The following STARD13 variants were observed in gnomAD, a reference collection of about 807,000 sequenced individuals.
STARD13 encodes the protein StAR related lipid transfer domain containing 13.
A neutral mutation model predicts 106.4 loss-of-function variants in STARD13; 62 were observed. That is an observed-to-expected ratio of 0.58 (90% CI 0.48 to 0.72). The LOEUF (loss-of-function observed/expected upper bound fraction) is 0.72, where lower values mean the gene tolerates loss of function less well. STARD13 is among the 30% of genes least tolerant of loss of function. The pLI, the probability that STARD13 is intolerant of heterozygous loss-of-function variation, is 0.00. For missense variants in STARD13, 1,387 were observed against 1,424.0 expected, an observed-to-expected ratio of 0.97 and a Z score of 0.42; for synonymous variants, 565 against 553.0, an observed-to-expected ratio of 1.02 and a Z score of -0.31.
the STARD13 span, among the ~76,000 whole-genome samples, chr13:33,369,405 A>G: frequency 6.6e-6 from 1 of 152,194 alleles, no homozygotes; most frequent in Non-Finnish European, 1.5e-5. Context: ...TTGAAAAATC[A>G]CCATCTTTAT....
At chr13:33,398,078 G>T in the STARD13 span, among the ~76,000 whole-genome samples, 1 of 152,182 alleles carries the variant, frequency 6.6e-6, no homozygotes, top group African/African-American at 2.4e-5. Context: ...GGTCAACTGG[G>T]CAATAAATGA....
chr13:33,277,925 T>C (rs1891537285), intron 1 of STARD13: 1 of 152,208 alleles, frequency 6.6e-6, no homozygotes, highest in African/African-American at 2.4e-5. Flanking sequence ...ACTTTTAAAG[T>C]ATTTGTGGCT....
At chr13:33,297,730 A>G (rs1892552194) in intron 1 of STARD13, among the ~76,000 whole-genome samples, 1 of 152,188 alleles carries the variant, frequency 6.6e-6, no homozygotes, top group African/African-American at 2.4e-5. Flanking sequence ...AAAATATTCT[A>G]TTGTATGACT....
the STARD13 span, among the ~76,000 whole-genome samples, chr13:33,399,748 A>C: frequency 4.0e-5 from 6 of 151,326 alleles, no homozygotes; most frequent in African/African-American, 1.5e-4. Context: ...GTTTTTACAA[A>C]TCAAGCATCA....
the STARD13 span, among the ~76,000 whole-genome samples, chr13:33,425,668 T>C: frequency 3.4e-3 from 519 of 152,322 alleles, 8 homozygotes; most frequent in African/African-American, 0.012. Flanking sequence ...AGTTATTATC[T>C]GAGCTTCTCT....
chr13:33,647,600 C>T, the STARD13 span, among the ~76,000 whole-genome samples: 1 of 152,186 alleles, frequency 6.6e-6, no homozygotes, highest in African/African-American at 2.4e-5. Context: ...CAATGACAGT[C>T]CCATTAGTTG....
At chr13:33,535,480 TTAAAGA>T in the STARD13 span, among the ~76,000 whole-genome samples, 1 of 152,124 alleles carries the variant, frequency 6.6e-6, no homozygotes, top group Non-Finnish European at 1.5e-5. Flanking sequence ...AGGCAATCAA[TTAAAGA>T]TAAAATTGTA....
At chr13:33,381,364 A>T in the STARD13 span, among the ~76,000 whole-genome samples, 7 of 152,328 alleles carry the variant, frequency 4.6e-5, no homozygotes, top group South Asian at 1.5e-3. Flanking sequence ...GGTGTGACCC[A>T]GGAGAGGCTA....
At chr13:33,217,248 C>T (rs1370311703) in intron 1 of STARD13, among the ~76,000 whole-genome samples, 2 of 152,192 alleles carry the variant, frequency 1.3e-5, no homozygotes, top group Non-Finnish European at 2.9e-5. Flanking sequence ...CATTTCTACT[C>T]TTGCAGCTCA....
chr13:33,495,576 C>T, the STARD13 span, among the ~76,000 whole-genome samples: 2 of 151,900 alleles, frequency 1.3e-5, no homozygotes, highest in African/African-American at 4.8e-5. Context: ...GATTTCCAAT[C>T]TTCTAAACAG....
At chr13:33,546,653 T>A in the STARD13 span, among the ~76,000 whole-genome samples, 9 of 151,890 alleles carry the variant, frequency 5.9e-5, no homozygotes, top group African/African-American at 7.3e-5. Context: ...CGTATTAATT[T>A]TTTTTTTTTT....
intron 4 of STARD13, among the ~76,000 whole-genome samples, chr13:33,140,510 AAT>A (rs371863151): frequency 3.3e-5 from 5 of 152,330 alleles, no homozygotes; most frequent in African/African-American, 1.2e-4. Flanking sequence ...CTCATGTTTT[AAT>A]ATTTCTCTGG....
At chr13:33,183,117 C>T (rs1260688571) in intron 1 of STARD13, among the ~76,000 whole-genome samples, 1 of 152,236 alleles carries the variant, frequency 6.6e-6, no homozygotes, top group African/African-American at 2.4e-5. Flanking sequence ...GTTAGCTCGG[C>T]TCTTCTCTGG....
chr13:33,488,351 G>A, the STARD13 span, among the ~76,000 whole-genome samples: 1 of 152,020 alleles, frequency 6.6e-6, no homozygotes, highest in Non-Finnish European at 1.5e-5. Flanking sequence ...TTAATTAATT[G>A]CACCTTCATC....
At chr13:33,659,236 T>TTA in the STARD13 span, among the ~76,000 whole-genome samples, 5 of 138,542 alleles carry the variant, frequency 3.6e-5, 1 homozygote, top group Non-Finnish European at 3.1e-5. Context: ...TTTTTTTTTT[T>TTA]ATGAAGTCTT....
the STARD13 span, among the ~76,000 whole-genome samples, chr13:33,403,357 T>C: frequency 1.3e-5 from 2 of 152,370 alleles, no homozygotes; most frequent in South Asian, 4.1e-4. Flanking sequence ...GTGTTTACAC[T>C]TAGGAACGAT....
the STARD13 span, among the ~76,000 whole-genome samples, chr13:33,414,265 TC>T: frequency 1.3e-5 from 2 of 152,144 alleles, no homozygotes; most frequent in African/African-American, 4.8e-5. Context: ...GGTAGACACT[TC>T]AGAAATTTCT....
chr13:33,350,564 G>C, exon 1 of STARD13: 1 of 1,398,706 alleles, frequency 7.1e-7, no homozygotes, highest in Non-Finnish European at 9.3e-7. Context: ...TCGGTCCGGC[G>C]CTGGGAGGCT....
At chr13:33,347,538 C>T (rs929491353), downstream of STARD13, among the ~76,000 whole-genome samples, 15 of 152,192 alleles carry the variant, frequency 9.9e-5, no homozygotes, top group African/African-American at 3.1e-4. Context: ...TGAGCCACCA[C>T]GCCTGACTGC....
Sources: allele counts gnomAD v4.1 joint callset (sites outside exome capture counted in the v4.1 genomes callset), GRCh38; gene constraint gnomAD v4.1.1; transcripts MANE v1.5; gene names NCBI Gene and HGNC (gene_info 2026-07-23, HGNC 2026-07-21).